The following TUSC2 variants were observed in gnomAD, a reference collection of about 807,000 sequenced individuals.
TUSC2 encodes tumor suppressor 2, mitochondrial calcium regulator.
Under a neutral mutation model 11.5 loss-of-function variants are expected in TUSC2, and 7 were observed. That is an observed-to-expected ratio of 0.61 (90% confidence interval 0.35 to 1.14). The LOEUF is 1.14. TUSC2 is among the 50% of genes most tolerant of loss of function. The probability of loss-of-function intolerance (pLI) is 0.03; values close to 1 mark genes in which losing one functional copy is unlikely to be tolerated. For missense variants in TUSC2, 132 were observed against 155.0 expected (o/e 0.85, Z 0.79); for synonymous variants, 61 against 64.1 (o/e 0.95, Z 0.23).
Position 50,326,094 on chromosome 3 carries a change from G to A in TUSC2, c.*27C>T. 1 of 1,565,516 alleles carries A rather than the reference G, an allele frequency of 6.4e-7. No homozygotes were observed. The highest frequency in any genetic ancestry group is 8.7e-7 in the Non-Finnish European group (1 of 1,154,624). ...CTGGGAGTTTCTTGCCGGGGCAGGG[G>A]GTGCTTCTGTCTGCCACCTCCCAGG... On this transcript the variant is annotated 3_prime_UTR_variant, in exon 3 of 3. Coordinates refer to ENST00000232496, the MANE Select transcript of TUSC2 (RefSeq NM_007275.3).
At chr3:50,326,276 C>G in intron 2 of TUSC2, 81 bp downstream of exon 2, 1 of 1,612,204 alleles carries the variant, frequency 6.2e-7, no homozygotes, top group East Asian at 2.2e-5. Context: ...CCGCAAAAGC[C>G]CCCACCATGA....
chr3:50,327,893 T>A lies in TUSC2; in HGVS notation c.146+61A>T, dbSNP rs371796605. Reference sequence around the variant, plus strand: ...GGGTACAGCGGTGGAAGTTCCCCCGTGGCGCGGGACGCCTGGCCGCCCGCC... The same window carrying A: ...GGGTACAGCGGTGGAAGTTCCCCCGAGGCGCGGGACGCCTGGCCGCCCGCC... On this transcript the variant is annotated intron_variant, in intron 1 of 2. Coordinates refer to ENST00000232496, the MANE Select transcript of TUSC2 (RefSeq NM_007275.3). 132 of 1,385,346 alleles carry A rather than the reference T, an allele frequency of 9.5e-5. No homozygotes were observed. The African/African-American group carries it at 1.9e-3, about 20-fold the overall frequency. The allele number at this position is 1,385,346 out of a possible 1,614,324, so 85.8% of individuals were successfully genotyped here. A position where few individuals can be genotyped will look rare whatever the true frequency, so the allele number is the denominator to read the frequency against.
chr3:50,327,755 C>T (rs1397610126), intron 1 of TUSC2, among the ~76,000 whole-genome samples, 199 bp downstream of exon 1: 1 of 152,198 alleles, frequency 6.6e-6, no homozygotes, highest in Non-Finnish European at 1.5e-5. Flanking sequence ...CCCACTCTTC[C>T]CTAGGGAGAC....
chr3:50,326,924 G>C (rs1322220190), intron 1 of TUSC2: 2 of 330,600 alleles, frequency 6.0e-6, no homozygotes, highest in African/African-American at 4.3e-5. Flanking sequence ...GGCCTGCCTG[G>C]AGAATCCTTT....
Position 50,326,407 on chromosome 3 carries a change from C to T in TUSC2, c.217G>A (p.Gly73Arg). The T allele has an allele frequency of 5.0e-6, 8 of 1,613,978 alleles. No individual in the cohort carries two copies. Among genetic ancestry groups the T allele is most frequent in the Non-Finnish European group, 6.8e-6 (8 of 1,180,004 alleles). Residue 73 changes from glycine (G) to arginine (R), a missense_variant, in exon 2 of 3, where the codon GGG (glycine) becomes AGG (arginine). Gly to Arg is a moderately radical substitution (Grantham distance 125, BLOSUM62 -2). Around this residue, in one of 3 missense-constraint regions of TUSC2, gnomAD observed 65 missense variants for 94.0 expected, o/e 0.69. Transcript: ENST00000232496. ...CGCCTCAGCTTGGCCCGCTTCTGCC[C>T]GTTCTTGGTGACGATTGTCTCCTCA... ...FYEETIVTKN[G>R]QKRAKLRRVH... is the part of the protein sequence containing the mutation.
chr3:50,326,282 C>T, intron 2 of TUSC2, 75 bp downstream of exon 2: 1 of 1,612,638 alleles, frequency 6.2e-7, no homozygotes. Flanking sequence ...AAGCCCCCAC[C>T]ATGACAACAG....
At chr3:50,326,261 T>TC (rs1330520696) in intron 2 of TUSC2, 75 bp from the exon 3 acceptor site, 71 of 1,610,738 alleles carry the variant, frequency 4.4e-5, no homozygotes, top group Non-Finnish European at 5.8e-5. Flanking sequence ...TCCTCCCAGA[T>TC]CCCCCCGCAA....
Position 50,325,869 on chromosome 3 carries a change from G to A in TUSC2, c.*252C>T. 1 of 561,080 alleles carries A rather than the reference G, an allele frequency of 1.8e-6. No homozygotes were observed. The highest frequency in any genetic ancestry group is 3.1e-5 in the Admixed American group (1 of 32,602). 34.8% of individuals were successfully genotyped at this position (561,080 alleles called of 1,614,324 possible). A position where few individuals can be genotyped will look rare whatever the true frequency, so the allele number is the denominator to read the frequency against. ...TATGCCCTGCTGTGCTGCTTGCAGG[G>A]GTGGCTTGGGAGAGTGGGGTGCTAA... On this transcript the variant is annotated 3_prime_UTR_variant, in exon 3 of 3. Coordinates refer to ENST00000232496, the MANE Select transcript of TUSC2 (RefSeq NM_007275.3). This position sits in a 1 kb window ranked among gnomAD's most constrained non-coding sequence, Gnocchi z 5.1.
In TUSC2 at chr3:50,327,604, CTG is replaced by C. The variant is rs141366570; in HGVS notation, c.146+348_146+349del. 9.1e-3 allele frequency among the ~76,000 whole-genome samples: 1,381 copies of C among 152,238 alleles called. 18 individuals are homozygous for C. Among genetic ancestry groups the C allele is most frequent in the African/African-American group, 0.032 (1,322 of 41,522 alleles). On this transcript the variant is annotated intron_variant, in intron 1 of 2. Transcript: ENST00000232496. The stretch of plus-strand genomic sequence containing the variant: ...GAGGGTTATTATCCCCTTGGAATAA[CTG>C]GGGGGGAAAGGGAGGCTAGGACCCT...
In TUSC2 at chr3:50,327,975, G is replaced by T. The variant is rs782506409; in HGVS notation, c.125C>A (p.Pro42His). The T allele has an allele frequency of 7.1e-6, 11 of 1,542,962 alleles. No individual in the cohort carries two copies. The highest frequency in any genetic ancestry group is 5.2e-5 in the East Asian group (2 of 38,632). Reference protein sequence around the residue: ...LVRPRGRAVPPFVFTRRGSMF... With the variant: ...LVRPRGRAVPHFVFTRRGSMF... Reference sequence around the variant, plus strand: ...TTACCCGCGGCGCGTGAATACGAAGGGGGGCACAGCTCGGCCCCGAGGCCG... The same window carrying T: ...TTACCCGCGGCGCGTGAATACGAAGTGGGGCACAGCTCGGCCCCGAGGCCG... Residue 42 changes from proline to histidine, a missense_variant, in exon 1 of 3, where the codon CCC becomes CAC. Physicochemically the swap from Pro to His is moderately conservative, Grantham distance 77 (BLOSUM62 -2). This residue lies in a region of TUSC2 where 50 missense variants were observed against 27.9 expected (regional missense o/e 1.79). Coordinates refer to ENST00000232496, the MANE Select transcript of TUSC2 (RefSeq NM_007275.3).
rs587622017 is a variant in TUSC2 at position 50,326,681 on chromosome 3, G to A, written c.147-204C>T. 3.3e-5 allele frequency among the ~76,000 whole-genome samples: 5 copies of A among 152,184 alleles called. No individual in the cohort carries two copies. The East Asian group carries it at 5.8e-4, about 18-fold the overall frequency. On this transcript the variant is annotated intron_variant, in intron 1 of 2. Transcript: ENST00000232496. Reference sequence around the variant, plus strand: ...GCCCAGGCTGGAGGTGCAGTGGCGCGATCTCAGCTTGCTGCAACCTCTGCC... The same window carrying A: ...GCCCAGGCTGGAGGTGCAGTGGCGCAATCTCAGCTTGCTGCAACCTCTGCC...
At chr3:50,327,927 C>T (rs1456094773) in intron 1 of TUSC2, 27 bp downstream of exon 1, 4 of 1,430,068 alleles carry the variant, frequency 2.8e-6, no homozygotes, top group African/African-American at 1.5e-5. Flanking sequence ...CCTGTTCCCC[C>T]CGCCAGGGTG....
At position 50,326,089 on chromosome 3, in the gene TUSC2, C is replaced by A. The variant is rs1553717345; in HGVS notation, c.*32G>T. 2.6e-6 allele frequency: 4 copies of A among 1,561,472 alleles called. No homozygotes were observed. Among genetic ancestry groups the A allele is most frequent in the Non-Finnish European group, 3.5e-6 (4 of 1,152,326 alleles). On this transcript the variant is annotated 3_prime_UTR_variant, in exon 3 of 3. Coordinates refer to ENST00000232496, the MANE Select transcript of TUSC2 (RefSeq NM_007275.3). ...TGAGCCTGGGAGTTTCTTGCCGGGGCAGGGGGTGCTTCTGTCTGCCACCTC... is the reference window on the plus strand; with the variant it reads ...TGAGCCTGGGAGTTTCTTGCCGGGGAAGGGGGTGCTTCTGTCTGCCACCTC...
chr3:50,326,152 A>T lies in TUSC2; in HGVS notation c.302T>A (p.Val101Glu), dbSNP rs1702785540. ...CTCATAGAGGATCACAGGGAAATCC[A>T]CGTGGATGCGGGGGTGATCCAGCTT... ...IVKLDHPRIH[V>E]DFPVILYEV Residue 101 changes from valine (V) to glutamate (E), a missense_variant, in exon 3 of 3, where the codon GTG (valine) becomes GAG (glutamate). Transcript: ENST00000232496. The T allele has an allele frequency of 6.3e-7, 1 of 1,597,506 alleles. No homozygotes were observed. The highest frequency in any genetic ancestry group is 8.5e-7 in the Non-Finnish European group (1 of 1,172,270).
At position 50,328,153 on chromosome 3, in the gene TUSC2, T is replaced by G. The variant is rs375311513; in HGVS notation, c.-54A>C. On this transcript the variant is annotated 5_prime_UTR_variant, in exon 1 of 3. Coordinates refer to ENST00000232496, the MANE Select transcript of TUSC2 (RefSeq NM_007275.3). ...CGTGGCCGCTCTGCTCACACCGCAG[T>G]CCGCACTACCATAACCTGCCCCAGC... 1.8e-4 allele frequency: 236 copies of G among 1,338,754 alleles called. 1 individual carries two copies. In the East Asian group the frequency reaches 3.8e-3, roughly 22 times the overall value. The allele number at this position is 1,338,754 out of a possible 1,614,324, so 82.9% of individuals were successfully genotyped here.
intron 1 of TUSC2, chr3:50,327,262 C>A (rs1553717501): frequency 2.2e-6 from 1 of 456,434 alleles, no homozygotes; most frequent in Non-Finnish European, 4.4e-6. Context: ...CTGCGTCTCC[C>A]CTGACCCCAC....
rs1702787018 is a variant in TUSC2, at chr3:50,326,290, C to G, written c.267+67G>C. ...CCCGCAAAAGCCCCCACCATGACAACAGATCCCATCTGGGTCCACCTCCAC... is the reference window on the plus strand; with the variant it reads ...CCCGCAAAAGCCCCCACCATGACAAGAGATCCCATCTGGGTCCACCTCCAC... On this transcript the variant is annotated intron_variant, in intron 2 of 2. Coordinates refer to ENST00000232496, the MANE Select transcript of TUSC2 (RefSeq NM_007275.3). 11 of 1,612,878 alleles carry G rather than the reference C, an allele frequency of 6.8e-6. No individual in the cohort carries two copies. In the South Asian group the frequency reaches 1.2e-4, roughly 18 times the overall value.
At position 50,328,126 on chromosome 3, in the gene TUSC2, C is replaced by T; in HGVS notation, c.-27G>A. 5.1e-6 allele frequency: 7 copies of T among 1,364,514 alleles called. No homozygotes were observed. Among genetic ancestry groups the T allele is most frequent in the Non-Finnish European group, 6.6e-6 (7 of 1,060,400 alleles). The allele number at this position is 1,364,514 out of a possible 1,614,324, so 84.5% of individuals were successfully genotyped here. A position where few individuals can be genotyped will look rare whatever the true frequency, so the allele number is the denominator to read the frequency against. Reference sequence around the variant, plus strand: ...TCAGGGCCGCCGGCGCATGGCGGGCCCCGTGGCCGCTCTGCTCACACCGCA... The same window carrying T: ...TCAGGGCCGCCGGCGCATGGCGGGCTCCGTGGCCGCTCTGCTCACACCGCA... On this transcript the variant is annotated 5_prime_UTR_variant, in exon 1 of 3. Transcript: ENST00000232496.
In TUSC2 at chr3:50,328,206, C is replaced by T. The variant is rs1387560097; in HGVS notation, c.-107G>A. On this transcript the variant is annotated 5_prime_UTR_variant, in exon 1 of 3. Coordinates refer to ENST00000232496, the MANE Select transcript of TUSC2 (RefSeq NM_007275.3). The stretch of plus-strand genomic sequence containing the variant: ...CTGATCGCAGGTGCCGCCGCCGCCG[C>T]CTTCCGCAGGCTCGGCTGTCTCCAC... The T allele has an allele frequency of 1.0e-5, 13 of 1,247,070 alleles. No homozygotes were observed. Among genetic ancestry groups the T allele is most frequent in the African/African-American group, 9.4e-5 (6 of 63,552 alleles). The allele number at this position is 1,247,070 out of a possible 1,614,324, so 77.3% of individuals were successfully genotyped here.
Sources: gnomAD v4.1 joint callset for allele counts (sites outside exome capture counted in the v4.1 genomes callset) on GRCh38, gnomAD v4.1.1 for gene constraint, gnomAD v4.1.1 regional missense constraint, Gnocchi (gnomAD v3.1) non-coding constraint, MANE v1.5 for transcripts, NCBI Gene and HGNC (gene_info 2026-07-23, HGNC 2026-07-21) for gene names.